The following ALB variants were observed in gnomAD, a reference collection of about 807,000 sequenced individuals.
The protein encoded by ALB is serum albumin.
ALB carries 37 observed loss-of-function variants against 74.5 expected under a neutral mutation model. The observed-to-expected ratio is 0.50, with a 90% CI of 0.38 to 0.65. The LOEUF (loss-of-function observed/expected upper bound fraction) is 0.65. ALB is among the 30% of genes least tolerant of loss of function. The pLI, the probability that ALB is intolerant of heterozygous loss-of-function variation, is 0.00. For missense variants in ALB, 685 were observed against 718.7 expected, an observed-to-expected ratio of 0.95 and a Z score of 0.54; for synonymous variants, 249 against 251.6, an observed-to-expected ratio of 0.99 and a Z score of 0.10.
chr4:73,416,553 T>C (rs1348183535), intron 10 of ALB, among the ~76,000 whole-genome samples, 200 bp downstream of exon 10: 5 of 152,138 alleles, frequency 3.3e-5, no homozygotes, highest in Admixed American at 3.3e-4. Flanking sequence ...GTCTAAAAAT[T>C]GTTCTCTTAA....
In ALB at chr4:73,416,315, G is replaced by A. The variant is rs1339287688; in HGVS notation, c.1251G>A (p.Glu417=). ...EPQNLIKQNC[E]LFEQLGEYKF... is the part of the protein sequence containing the mutation. ...AGAATTTAATCAAACAAAATTGTGA[G>A]CTTTTTGAGCAGCTTGGAGAGTACA... The change falls in exon 10 of 15, where the codon GAG becomes GAA. Residue 417 remains glutamate (E), a synonymous_variant. Coordinates refer to ENST00000295897, the MANE Select transcript of ALB (RefSeq NM_000477.7). 41 of 1,613,536 alleles carry A rather than the reference G, an allele frequency of 2.5e-5. No homozygotes were observed. Among genetic ancestry groups the A allele is most frequent in the Non-Finnish European group, 3.2e-5 (38 of 1,179,754 alleles).
chr4:73,415,298 G>A (rs1718986406), intron 9 of ALB, 131 bp downstream of exon 9: 1 of 1,079,160 alleles, frequency 9.3e-7, no homozygotes, highest in African/African-American at 1.6e-5. Context: ...TTTCAATTCT[G>A]GAATCTTAAA....
chr4:73,417,498 C>T (rs1178522114), intron 10 of ALB, 33 bp from the exon 11 acceptor site: 2 of 1,613,194 alleles, frequency 1.2e-6, no homozygotes, highest in Non-Finnish European at 1.7e-6. Flanking sequence ...CAGTTTCTTG[C>T]CTTGCTGAAA....
intron 12 of ALB, 129 bp downstream of exon 12, chr4:73,418,440 T>C: frequency 2.4e-6 from 2 of 822,370 alleles, no homozygotes; most frequent in Non-Finnish European, 4.0e-6. Flanking sequence ...TTGCCCTTAT[T>C]ATGCTGATAA....
In ALB at chr4:73,419,730, G is replaced by T. The variant is rs1025149942; in HGVS notation, c.1785+91G>T. 5 of 1,465,902 alleles carry T rather than the reference G, an allele frequency of 3.4e-6. No individual in the cohort carries two copies. In the Admixed American group the frequency reaches 8.6e-5, roughly 25 times the overall value. 90.8% of individuals were successfully genotyped at this position (1,465,902 alleles called of 1,614,324 possible). A position where few individuals can be genotyped will look rare whatever the true frequency, so the allele number is the denominator to read the frequency against. On this transcript the variant is annotated intron_variant, in intron 13 of 14. Coordinates refer to ENST00000295897, the MANE Select transcript of ALB (RefSeq NM_000477.7). ...CTTAGGGATTTATATATCAAAGGAG[G>T]CTTTGTACATGTGGGACAGGGATCT...
chr4:73,412,626 G>T (rs1718908087), intron 7 of ALB, among the ~76,000 whole-genome samples: 1 of 152,086 alleles, frequency 6.6e-6, no homozygotes, highest in East Asian at 1.9e-4. Context: ...TGTATTTTTA[G>T]TAGAGGCGGG....
At chr4:73,407,567 A>G (rs1718765596) in intron 3 of ALB, among the ~76,000 whole-genome samples, 2 of 152,174 alleles carry the variant, frequency 1.3e-5, no homozygotes, top group African/African-American at 2.4e-5. Context: ...TAGTGTTGCA[A>G]TGAACACAGG....
chr4:73,417,089 A>G (rs1425310868), intron 10 of ALB, among the ~76,000 whole-genome samples: 1 of 152,194 alleles, frequency 6.6e-6, no homozygotes, highest in South Asian at 2.1e-4. Context: ...ATACATGATT[A>G]TTATATATTA....
At chr4:73,414,308 A>G (rs1718960514) in intron 8 of ALB, among the ~76,000 whole-genome samples, 2 of 152,214 alleles carry the variant, frequency 1.3e-5, no homozygotes, top group Non-Finnish European at 2.9e-5. Context: ...ATCTCTGCCC[A>G]TCTATTTATC....
At chr4:73,415,776 C>T (rs942795062) in intron 9 of ALB, among the ~76,000 whole-genome samples, 1 of 152,112 alleles carries the variant, frequency 6.6e-6, no homozygotes, top group Non-Finnish European at 1.5e-5. Flanking sequence ...CGTAAAATCT[C>T]TCATTTTGGA....
Position 73,420,251 on chromosome 4 carries a change from C to CA in ALB, c.1786-2dup. The CA allele has an allele frequency of 6.2e-7, 1 of 1,611,936 alleles. No individual in the cohort carries two copies. The highest frequency in any genetic ancestry group is 8.5e-7 in the Non-Finnish European group (1 of 1,178,410). ...CTAACATCTGTCATGTCTTTGTGTT[C>CA]AGGGTAAAAAACTTGTTGCTGCAAG... On this transcript the variant is annotated splice_region_variant and splice_polypyrimidine_tract_variant and intron_variant, in intron 13 of 14. Coordinates refer to ENST00000295897, the MANE Select transcript of ALB (RefSeq NM_000477.7).
rs55764359 is a variant in ALB at position 73,409,147 on chromosome 4, G to GCACACACA, written c.483-190_483-183dup. 3,129 of 560,526 alleles carry GCACACACA rather than the reference G, an allele frequency of 5.6e-3. 28 individuals are homozygous for GCACACACA. Among genetic ancestry groups the GCACACACA allele is most frequent in the African/African-American group, 0.041 (2,149 of 52,212 alleles). 34.7% of individuals were successfully genotyped at this position (560,526 alleles called of 1,614,324 possible). ...ATATTGCCAAAATTTAACCATTTAT[G>GCACACACA]CACACACACACACACACACACACAC... On this transcript the variant is annotated intron_variant, in intron 4 of 14. Transcript: ENST00000295897.
At chr4:73,409,708 T>C (rs1718824686) in intron 5 of ALB, among the ~76,000 whole-genome samples, 1 of 152,194 alleles carries the variant, frequency 6.6e-6, no homozygotes, top group Non-Finnish European at 1.5e-5. Flanking sequence ...GTAATCACTG[T>C]GCATGTGTTT....
chr4:73,415,201 T>C, intron 9 of ALB, 34 bp downstream of exon 9: 1 of 1,611,254 alleles, frequency 6.2e-7, no homozygotes, highest in Non-Finnish European at 8.5e-7. Context: ...TGTAGTTCTT[T>C]GACTGATGAT....
intron 1 of ALB, among the ~76,000 whole-genome samples, chr4:73,404,652 A>G (rs1313071440): frequency 4.6e-5 from 7 of 152,130 alleles, no homozygotes; most frequent in African/African-American, 2.4e-5. Flanking sequence ...GGAAAGTGCA[A>G]AGTAACTTAG....
chr4:73,413,458 G>T lies in ALB; in HGVS notation c.882G>T (p.Ser294=), dbSNP rs143665140. 1.2e-6 allele frequency: 2 copies of T among 1,614,076 alleles called. No individual in the cohort carries two copies. Among genetic ancestry groups the T allele is most frequent in the Non-Finnish European group, 1.7e-6 (2 of 1,180,010 alleles). ...AGTATATCTGTGAAAATCAAGATTC[G>T]ATCTCCAGTAAACTGAAGGAATGCT... ...LAKYICENQD[S]ISSKLKECCE... Residue 294 remains serine (S), a synonymous_variant, in exon 8 of 15, where the codon TCG becomes TCT. Transcript: ENST00000295897.
chr4:73,417,496 T>C (rs780183294), intron 10 of ALB, 35 bp from the exon 11 acceptor site: 9 of 1,613,274 alleles, frequency 5.6e-6, no homozygotes, highest in Non-Finnish European at 7.6e-6. Flanking sequence ...GACAGTTTCT[T>C]GCCTTGCTGA....
At chr4:73,417,737 A>G (rs1719050584) in intron 11 of ALB, 68 bp downstream of exon 11, 18 of 1,352,552 alleles carry the variant, frequency 1.3e-5, no homozygotes, top group Non-Finnish European at 1.7e-5. Context: ...TGATAATGCT[A>G]GCTTTCATAA....
rs536518741 is a variant in ALB at position 73,418,360 on chromosome 4, A to G, written c.1652+49A>G. On this transcript the variant is annotated intron_variant, in intron 12 of 14. Transcript: ENST00000295897. ...TGTGTTTGTAGTCTTGATAGCAAGA[A>G]CTGTCAATTCAAGCTAGCAACTTTT... 3.4e-5 allele frequency: 52 copies of G among 1,537,376 alleles called. No individual in the cohort carries two copies. The Admixed American group carries it at 6.5e-4, about 19-fold the overall frequency.
Sources: allele counts gnomAD v4.1 joint callset (sites outside exome capture counted in the v4.1 genomes callset), GRCh38; gene constraint gnomAD v4.1.1; transcripts MANE v1.5; gene names NCBI Gene and HGNC (gene_info 2026-07-23, HGNC 2026-07-21).